The following FOLH1 variants were observed in gnomAD, a reference collection of about 807,000 sequenced individuals.
FOLH1 encodes glutamate carboxypeptidase 2.
Under a neutral mutation model 93.9 loss-of-function variants are expected in FOLH1, and 54 were observed. The observed-to-expected ratio is 0.57, with a 90% CI of 0.46 to 0.72. The LOEUF (loss-of-function observed/expected upper bound fraction) is 0.72, where lower values mean the gene tolerates loss of function less well. Ranked by LOEUF, FOLH1 falls within the 30% of genes least tolerant of loss-of-function variation. FOLH1 has a pLI of 0.00. For synonymous variants in FOLH1, 249 were observed against 303.6 expected (o/e 0.82, Z 1.87); for missense variants, 571 against 892.5 (o/e 0.64, Z 4.59).
At chr11:49,186,448 T>A (rs568885082) in intron 5 of FOLH1, among the ~76,000 whole-genome samples, 196 bp downstream of exon 5, 21 of 152,218 alleles carry the variant, frequency 1.4e-4, no homozygotes, top group Non-Finnish European at 2.6e-4. Context: ...ACATCTACAC[T>A]GGCCAAATTC....
chr11:49,156,698 T>C lies in FOLH1; in HGVS notation c.1623+19A>G, dbSNP rs768084613. The C allele has an allele frequency of 1.2e-6, 2 of 1,612,546 alleles. No homozygotes were observed. Among genetic ancestry groups the C allele is most frequent in the Non-Finnish European group, 1.7e-6 (2 of 1,178,892 alleles). ...AAACATATTCATAAATAATCTTAGA[T>C]AATTTGAGATTCACTTACCCAATTT... On this transcript the variant is annotated intron_variant, in intron 15 of 18. Transcript: ENST00000256999.
rs758046726 is a variant in FOLH1, at chr11:49,186,632, T to C, written c.639+12A>G. 6.2e-7 allele frequency: 1 copy of C among 1,609,518 alleles called. No individual in the cohort carries two copies. On this transcript the variant is annotated intron_variant, in intron 5 of 18. Coordinates refer to ENST00000256999, the MANE Select transcript of FOLH1 (RefSeq NM_004476.3). ...TTGGGGGAGAGAAAAAAAGAGATAATTTTTACCTTACCTTATTTCCTCTGA... is the reference window on the plus strand; with the variant it reads ...TTGGGGGAGAGAAAAAAAGAGATAACTTTTACCTTACCTTATTTCCTCTGA...
chr11:49,169,723 C>T (rs1299848752), intron 11 of FOLH1, among the ~76,000 whole-genome samples: 1 of 152,022 alleles, frequency 6.6e-6, no homozygotes, highest in Non-Finnish European at 1.5e-5. Context: ...AATAAGTGAA[C>T]TTAAATCATC....
intron 13 of FOLH1, 77 bp downstream of exon 13, chr11:49,164,628 C>T (rs985584884): frequency 1.0e-6 from 1 of 975,326 alleles, no homozygotes; most frequent in Non-Finnish European, 1.6e-6. Context: ...TAAAACACCA[C>T]CTATGTTTAA....
chr11:49,182,275 G>A (rs1177731777), intron 7 of FOLH1, among the ~76,000 whole-genome samples: 7 of 123,268 alleles, frequency 5.7e-5, no homozygotes, highest in Non-Finnish European at 7.9e-5. Context: ...GTTGCAGTGA[G>A]CCAAGATTGC....
At chr11:49,197,909 A>G (rs1862795439) in intron 3 of FOLH1, among the ~76,000 whole-genome samples, 1 of 152,190 alleles carries the variant, frequency 6.6e-6, no homozygotes, top group Admixed American at 6.5e-5. Flanking sequence ...AAAATAGAGA[A>G]AAAGCAAGGC....
At chr11:49,206,433 G>T (rs1198397862) in intron 1 of FOLH1, 2 of 675,740 alleles carry the variant, frequency 3.0e-6, no homozygotes, top group Non-Finnish European at 5.0e-6. Flanking sequence ...TCTAAGAAAT[G>T]TTTTATGAGA....
chr11:49,155,824 ATATATATATAT>A (rs1856960936), intron 15 of FOLH1, among the ~76,000 whole-genome samples: 3 of 113,766 alleles, frequency 2.6e-5, no homozygotes, highest in Non-Finnish European at 3.6e-5. Flanking sequence ...ATATATATAT[ATATATATATAT>A]AATCAACAAC....
rs1302117060 is a variant in FOLH1 at position 49,156,772 on chromosome 11, AC to A, written c.1567del (p.Val523CysfsTer65). The A allele has an allele frequency of 6.2e-7, 1 of 1,612,678 alleles. No individual in the cohort carries two copies. Among genetic ancestry groups the A allele is most frequent in the Non-Finnish European group, 8.5e-7 (1 of 1,179,142 alleles). On this transcript the variant is annotated frameshift_variant, in exon 15 of 19. Transcript: ENST00000256999. LOFTEE classifies it high-confidence loss of function. Reference protein sequence around the residue: ...SKLGSGNDFEVFFQRLGIASG... With the variant: ...SKLGSGNDFEXFFQRLGIASG... ...AGCAATTCCAAGTCGTTGGAAGAAC[AC>A]CTCAAAATCATTTCCAGATCCCAAT...
At chr11:49,174,379 G>A (rs1381580396) in intron 9 of FOLH1, among the ~76,000 whole-genome samples, 1 of 152,056 alleles carries the variant, frequency 6.6e-6, no homozygotes, top group African/African-American at 2.4e-5. Flanking sequence ...TGTATAAAAT[G>A]TATTAATCAG....
intron 6 of FOLH1, among the ~76,000 whole-genome samples, chr11:49,183,700 TAATA>T (rs1861050026): frequency 6.6e-6 from 1 of 152,064 alleles, no homozygotes; most frequent in African/African-American, 2.4e-5. Flanking sequence ...AGAAAAAAAC[TAATA>T]CATACAATAT....
Position 49,208,484 on chromosome 11 carries a change from C to G in FOLH1, c.-75G>C. On this transcript the variant is annotated 5_prime_UTR_variant, in exon 1 of 19. Coordinates refer to ENST00000256999, the MANE Select transcript of FOLH1 (RefSeq NM_004476.3). ...TCTACTGCGCGCCCTCCAACCACCACGGCGGGGTAAAGTCTCTCTCAATCT... is the reference window on the plus strand; with the variant it reads ...TCTACTGCGCGCCCTCCAACCACCAGGGCGGGGTAAAGTCTCTCTCAATCT... 1 of 1,019,020 alleles carries G rather than the reference C, an allele frequency of 9.8e-7. No individual in the cohort carries two copies. The allele number at this position is 1,019,020 out of a possible 1,614,324, so 63.1% of individuals were successfully genotyped here. A position where few individuals can be genotyped will look rare whatever the true frequency, so the allele number is the denominator to read the frequency against.
chr11:49,202,219 C>T (rs1292454805), intron 2 of FOLH1, among the ~76,000 whole-genome samples: 1 of 152,116 alleles, frequency 6.6e-6, no homozygotes, highest in Admixed American at 6.5e-5. Flanking sequence ...TAGCACTTCT[C>T]AATGATTTTA....
intron 17 of FOLH1, among the ~76,000 whole-genome samples, chr11:49,150,519 T>C (rs186378351): frequency 0.018 from 2,782 of 152,254 alleles, 80 homozygotes; most frequent in African/African-American, 0.064. Context: ...CTTGCTAATG[T>C]TTAGTAAGAT....
At chr11:49,192,743 A>C (rs1409932918) in intron 4 of FOLH1, 50 bp downstream of exon 4, 8 of 1,478,256 alleles carry the variant, frequency 5.4e-6, no homozygotes, top group African/African-American at 1.4e-5. Context: ...ACATATGAAG[A>C]GAAGGAAGGC....
chr11:49,164,661 A>G (rs1265096613), intron 13 of FOLH1, 44 bp downstream of exon 13: 12 of 1,348,012 alleles, frequency 8.9e-6, no homozygotes, highest in Non-Finnish European at 1.0e-5. Context: ...AGAAAACATC[A>G]TTTGTAGAAT....
intron 13 of FOLH1, among the ~76,000 whole-genome samples, 186 bp from the exon 14 acceptor site, chr11:49,158,229 A>G (rs576451007): frequency 6.6e-6 from 1 of 152,306 alleles, no homozygotes; most frequent in Non-Finnish European, 1.5e-5. Context: ...GTGATTATAT[A>G]TAGGTGAACT....
chr11:49,156,854 T>A (rs1465137306), intron 14 of FOLH1, 47 bp from the exon 15 acceptor site: 5 of 1,605,988 alleles, frequency 3.1e-6, no homozygotes, highest in African/African-American at 2.7e-5. Context: ...ATTTGTTCAT[T>A]AAGCACAGAT....
At chr11:49,167,066 C>A (rs1323050211) in intron 12 of FOLH1, among the ~76,000 whole-genome samples, 1 of 151,350 alleles carries the variant, frequency 6.6e-6, no homozygotes, top group Non-Finnish European at 1.5e-5. Flanking sequence ...CAGAAAAAAA[C>A]TATCAATAAA....
Sources: allele counts gnomAD v4.1 joint callset (sites outside exome capture counted in the v4.1 genomes callset), GRCh38; gene constraint gnomAD v4.1.1; transcripts MANE v1.5; gene names NCBI Gene and HGNC (gene_info 2026-07-23, HGNC 2026-07-21).